PPP2R2B: variants seen among roughly 807,000 people sequenced by gnomAD.
PPP2R2B encodes the protein serine/threonine-protein phosphatase 2A 55 kDa regulatory subunit B beta isoform.
PPP2R2B carries 5 observed loss-of-function variants against 46.0 expected under a neutral mutation model. The observed-to-expected ratio is 0.11, with a 90% CI of 0.06 to 0.23. The LOEUF (loss-of-function observed/expected upper bound fraction) is 0.23. PPP2R2B is among the 10% of genes least tolerant of loss of function. PPP2R2B has a pLI of 1.00. For synonymous variants in PPP2R2B, 215 were observed against 206.7 expected (o/e 1.04, Z -0.34); for missense variants, 367 against 575.0 (o/e 0.64, Z 3.70).
intron 1 of PPP2R2B, among the ~76,000 whole-genome samples, chr5:147,005,594 G>A (rs1754399461): frequency 6.6e-6 from 1 of 152,102 alleles, no homozygotes; most frequent in Admixed American, 6.6e-5. Flanking sequence ...CCATCAAAAG[G>A]GGAAGGAGAG....
intron 6 of PPP2R2B, among the ~76,000 whole-genome samples, chr5:146,646,890 C>T (rs1053085993): frequency 4.6e-5 from 7 of 152,014 alleles, no homozygotes; most frequent in South Asian, 2.1e-4. Context: ...ATAATCCTCT[C>T]GTGATAGAGC....
chr5:146,719,381 G>A (rs907714468), intron 2 of PPP2R2B, among the ~76,000 whole-genome samples: 6 of 152,254 alleles, frequency 3.9e-5, no homozygotes, highest in African/African-American at 1.4e-4. Context: ...GACTTTAGGT[G>A]TCAGAAAGAT....
chr5:146,866,985 A>G (rs1761349134), intron 2 of PPP2R2B, among the ~76,000 whole-genome samples: 1 of 152,234 alleles, frequency 6.6e-6, no homozygotes, highest in Non-Finnish European at 1.5e-5. Context: ...GTTGAGTTGC[A>G]TGTTTACTGA....
intron 1 of PPP2R2B, among the ~76,000 whole-genome samples, chr5:146,944,605 GA>G (rs904119789): frequency 6.7e-6 from 1 of 149,976 alleles, no homozygotes; most frequent in African/African-American, 2.4e-5. Flanking sequence ...GATTTAAAGA[GA>G]AAAAAAAAGG....
chr5:146,853,678 T>C (rs1350804672), intron 2 of PPP2R2B, among the ~76,000 whole-genome samples: 1 of 152,060 alleles, frequency 6.6e-6, no homozygotes, highest in Non-Finnish European at 1.5e-5. Context: ...ATTTTTTTTT[T>C]CCACCAGCAG....
chr5:146,834,293 C>A (rs1293112269), intron 2 of PPP2R2B, among the ~76,000 whole-genome samples: 5 of 152,122 alleles, frequency 3.3e-5, no homozygotes, highest in South Asian at 2.1e-4. Flanking sequence ...TAGAGGAGAA[C>A]AATGACATTC....
At chr5:146,848,218 A>G (rs1248236876) in intron 2 of PPP2R2B, among the ~76,000 whole-genome samples, 1 of 152,148 alleles carries the variant, frequency 6.6e-6, no homozygotes, top group East Asian at 1.9e-4. Context: ...TAGTACAGAG[A>G]GCTCTTCTAT....
At chr5:146,695,974 A>G (rs1256076297) in intron 4 of PPP2R2B, among the ~76,000 whole-genome samples, 3 of 152,232 alleles carry the variant, frequency 2.0e-5, no homozygotes, top group African/African-American at 7.2e-5. Flanking sequence ...AAATGGGAAG[A>G]TAATATCCTT....
intron 1 of PPP2R2B, among the ~76,000 whole-genome samples, chr5:146,920,118 T>G: frequency 6.6e-6 from 1 of 152,302 alleles, no homozygotes; most frequent in Middle Eastern, 3.4e-3. Flanking sequence ...ATGAAGGTTA[T>G]AGTAATTATT....
intron 1 of PPP2R2B, among the ~76,000 whole-genome samples, chr5:147,012,249 T>C (rs1219465400): frequency 6.6e-6 from 1 of 152,166 alleles, no homozygotes; most frequent in Non-Finnish European, 1.5e-5. Flanking sequence ...ATTGCCACAA[T>C]TTCGGATCCT....
chr5:146,727,183 A>G lies in PPP2R2B; in HGVS notation c.71-26041T>C, dbSNP rs554736471. On this transcript the variant is annotated intron_variant, in intron 2 of 9. Transcript: ENST00000394411. ...GAACAAGGTCTCATTGTATTAGCTC[A>G]CAGATATTTCCCTTCATTTCAGAGT... 3.3e-5 allele frequency among the ~76,000 whole-genome samples: 5 copies of G among 151,856 alleles called. No individual in the cohort carries two copies. In the East Asian group the frequency reaches 9.7e-4, roughly 29 times the overall value.
intron 2 of PPP2R2B, among the ~76,000 whole-genome samples, chr5:146,862,370 C>A (rs1761055878): frequency 6.6e-6 from 1 of 152,218 alleles, no homozygotes; most frequent in South Asian, 2.1e-4. Flanking sequence ...GTGGTCACTG[C>A]CTTCTTGGAG....
At chr5:147,031,132 G>A (rs1332336428) in intron 1 of PPP2R2B, among the ~76,000 whole-genome samples, 1 of 151,992 alleles carries the variant, frequency 6.6e-6, no homozygotes, top group Non-Finnish European at 1.5e-5. Flanking sequence ...AGCCACTCGG[G>A]AGGCTGAGGC....
chr5:146,648,193 C>T (rs1403372964), intron 6 of PPP2R2B, among the ~76,000 whole-genome samples: 1 of 152,180 alleles, frequency 6.6e-6, no homozygotes, highest in Non-Finnish European at 1.5e-5. Context: ...TCAGAGGAAT[C>T]TCCCACTTGT....
chr5:146,706,963 AG>A, intron 2 of PPP2R2B: 1 of 1,030,400 alleles, frequency 9.7e-7, no homozygotes, highest in Non-Finnish European at 1.5e-6. Flanking sequence ...TGATATCGTC[AG>A]CCCTTCCAGG....
chr5:146,812,828 TAC>T lies in PPP2R2B; in HGVS notation c.70+65172_70+65173del, dbSNP rs551075297. Among the ~76,000 whole-genome samples, 623 of 79,626 alleles carry T rather than the reference TAC, an allele frequency of 7.8e-3. 55 individuals are homozygous for T. The highest frequency in any genetic ancestry group is 0.011 in the East Asian group (28 of 2,496). 52.2% of individuals were successfully genotyped at this position (79,626 alleles called of 152,430 possible). A position where few individuals can be genotyped will look rare whatever the true frequency, so the allele number is the denominator to read the frequency against. On this transcript the variant is annotated intron_variant, in intron 2 of 9. Transcript: ENST00000394411. ...ATATATATATATATATATATATATATACACACACATTTCCATTATAAAACCAT... is the reference window on the plus strand; with the variant it reads ...ATATATATATATATATATATATATATACACACATTTCCATTATAAAACCAT...
chr5:146,746,826 G>T (rs1056334339), intron 2 of PPP2R2B, among the ~76,000 whole-genome samples: 2 of 152,136 alleles, frequency 1.3e-5, no homozygotes, highest in African/African-American at 4.8e-5. Flanking sequence ...CTTATTAAAT[G>T]CTGTGAGATA....
At chr5:147,003,676 C>A (rs1237146803) in intron 1 of PPP2R2B, among the ~76,000 whole-genome samples, 4 of 152,086 alleles carry the variant, frequency 2.6e-5, no homozygotes, top group Non-Finnish European at 5.9e-5. Flanking sequence ...AGTATGGATC[C>A]CCACTGGGAC....
intron 2 of PPP2R2B, among the ~76,000 whole-genome samples, chr5:146,797,064 T>A (rs1440056614): frequency 2.6e-5 from 4 of 152,204 alleles, no homozygotes. Context: ...ACGTTCCCAC[T>A]GTGTTCTCAC....
Sources: allele counts gnomAD v4.1 joint callset (sites outside exome capture counted in the v4.1 genomes callset), GRCh38; gene constraint gnomAD v4.1.1; transcripts MANE v1.5; gene names NCBI Gene and HGNC (gene_info 2026-07-23, HGNC 2026-07-21).